SH3GL2: variants seen among roughly 807,000 people sequenced by gnomAD.
The protein encoded by SH3GL2 is SH3 domain containing GRB2 like 2, endophilin A1.
In SH3GL2, 24 loss-of-function variants were observed where a neutral mutation model predicts 46.0. The observed-to-expected ratio is 0.52, with a 90% CI of 0.38 to 0.73. The LOEUF (loss-of-function observed/expected upper bound fraction) is 0.73. Among genes scored for constraint, SH3GL2 ranks in the 30% least tolerant of loss-of-function variants. SH3GL2 has a pLI of 0.00. For synonymous variants in SH3GL2, 196 were observed against 147.1 expected, an observed-to-expected ratio of 1.33 and a Z score of -2.40; for missense variants, 413 against 424.2, an observed-to-expected ratio of 0.97 and a Z score of 0.23.
At position 17,683,755 on chromosome 9, in the gene SH3GL2, G is replaced by C. The variant is rs185691737; in HGVS notation, c.46-63311G>C. On this transcript the variant is annotated intron_variant, in intron 1 of 8. Transcript: ENST00000380607. ...GGAGAAAGACCTCCCTAAGGTACAG[G>C]CACAAAGGGAAGACCTAAAGCTGAG... 4.3e-3 allele frequency among the ~76,000 whole-genome samples: 651 copies of C among 152,140 alleles called. 8 individuals are homozygous for C. The highest frequency in any genetic ancestry group is 0.015 in the African/African-American group (613 of 41,502).
At chr9:17,609,722 T>C (rs148176255) in intron 1 of SH3GL2, among the ~76,000 whole-genome samples, 221 of 152,376 alleles carry the variant, frequency 1.5e-3, no homozygotes, top group African/African-American at 5.2e-3. Flanking sequence ...AAAACATTTG[T>C]TCTCTAAAAG....
At chr9:17,779,819 C>G (rs751898493) in intron 3 of SH3GL2, among the ~76,000 whole-genome samples, 1 of 152,140 alleles carries the variant, frequency 6.6e-6, no homozygotes, top group African/African-American at 2.4e-5. Flanking sequence ...GCTTGGTTGT[C>G]TGCTATACAA....
At chr9:17,606,475 A>G (rs1011792251) in intron 1 of SH3GL2, among the ~76,000 whole-genome samples, 2 of 152,192 alleles carry the variant, frequency 1.3e-5, no homozygotes, top group Non-Finnish European at 2.9e-5. Context: ...TCATTAGCCT[A>G]TCCAAAAGTT....
intron 1 of SH3GL2, among the ~76,000 whole-genome samples, chr9:17,678,089 ATG>A (rs976865695): frequency 3.9e-5 from 6 of 151,944 alleles, no homozygotes; most frequent in Non-Finnish European, 8.8e-5. Context: ...CAGTAAACAT[ATG>A]TGTATGTGTG....
chr9:17,594,514 C>G (rs938904010), intron 1 of SH3GL2, among the ~76,000 whole-genome samples: 1 of 152,000 alleles, frequency 6.6e-6, no homozygotes, highest in African/African-American at 2.4e-5. Context: ...AGCATCAGGA[C>G]AAATGGCTAA....
At chr9:17,621,910 T>C (rs1819150510) in intron 1 of SH3GL2, among the ~76,000 whole-genome samples, 1 of 152,210 alleles carries the variant, frequency 6.6e-6, no homozygotes, top group Non-Finnish European at 1.5e-5. Flanking sequence ...CCAATAAAAA[T>C]GTTGCTCTAC....
chr9:17,608,449 A>G (rs1818801136), intron 1 of SH3GL2, among the ~76,000 whole-genome samples: 1 of 152,166 alleles, frequency 6.6e-6, no homozygotes, highest in Non-Finnish European at 1.5e-5. Context: ...TACTGAAGAA[A>G]TCTGTTAATG....
intron 1 of SH3GL2, among the ~76,000 whole-genome samples, chr9:17,730,580 G>T (rs1421993780): frequency 6.6e-6 from 1 of 152,082 alleles, no homozygotes; most frequent in Non-Finnish European, 1.5e-5. Flanking sequence ...CATTCAATAT[G>T]ATATTGGCTG....
intron 1 of SH3GL2, among the ~76,000 whole-genome samples, chr9:17,715,770 C>T (rs1821738618): frequency 6.6e-6 from 1 of 151,934 alleles, no homozygotes; most frequent in Non-Finnish European, 1.5e-5. Context: ...ATTGATAATG[C>T]ATTTCATACA....
chr9:17,765,910 C>G (rs1823304697), intron 3 of SH3GL2, among the ~76,000 whole-genome samples: 1 of 152,244 alleles, frequency 6.6e-6, no homozygotes, highest in Admixed American at 6.5e-5. Context: ...AATTATGAAG[C>G]ACAGTTGACT....
At chr9:17,601,127 C>G (rs1403249340) in intron 1 of SH3GL2, among the ~76,000 whole-genome samples, 1 of 152,144 alleles carries the variant, frequency 6.6e-6, no homozygotes, top group Non-Finnish European at 1.5e-5. Flanking sequence ...TTTTGCAGTG[C>G]TCAACGTCTT....
intron 1 of SH3GL2, among the ~76,000 whole-genome samples, chr9:17,666,043 T>C (rs1048686824): frequency 5.9e-5 from 9 of 151,598 alleles, no homozygotes; most frequent in African/African-American, 1.9e-4. Flanking sequence ...TACCTACTTA[T>C]TTGCTCACTT....
chr9:17,703,244 A>T (rs910902906), intron 1 of SH3GL2, among the ~76,000 whole-genome samples: 2 of 152,108 alleles, frequency 1.3e-5, no homozygotes, highest in Non-Finnish European at 2.9e-5. Flanking sequence ...GGGAAAAAAA[A>T]CAATAAAAAT....
intron 1 of SH3GL2, among the ~76,000 whole-genome samples, chr9:17,616,573 T>C (rs11999935): frequency 7.9e-5 from 12 of 152,146 alleles, no homozygotes; most frequent in African/African-American, 2.7e-4. Flanking sequence ...CAGAGGAGGC[T>C]ACAAATGATA....
intron 1 of SH3GL2, among the ~76,000 whole-genome samples, chr9:17,632,976 T>C (rs1819465689): frequency 6.6e-6 from 1 of 152,178 alleles, no homozygotes; most frequent in Non-Finnish European, 1.5e-5. Flanking sequence ...ACAAAAGTAG[T>C]TTGGAGTTCT....
At chr9:17,707,339 G>A (rs1821496629) in intron 1 of SH3GL2, among the ~76,000 whole-genome samples, 2 of 151,926 alleles carry the variant, frequency 1.3e-5, no homozygotes, top group South Asian at 2.1e-4. Flanking sequence ...TACAGAACAC[G>A]GTTGTAATCT....
intron 1 of SH3GL2, among the ~76,000 whole-genome samples, chr9:17,729,650 A>T (rs577533612): frequency 6.6e-6 from 1 of 152,274 alleles, no homozygotes; most frequent in East Asian, 1.9e-4. Context: ...AGGTGTAAGG[A>T]AGGGGCCCAG....
At chr9:17,621,469 A>G (rs371409697) in intron 1 of SH3GL2, among the ~76,000 whole-genome samples, 1 of 152,234 alleles carries the variant, frequency 6.6e-6, no homozygotes, top group Non-Finnish European at 1.5e-5. Context: ...CATGATCACA[A>G]TCATATGATG....
chr9:17,669,994 G>A (rs557310949), intron 1 of SH3GL2, among the ~76,000 whole-genome samples: 2 of 152,128 alleles, frequency 1.3e-5, no homozygotes, highest in African/African-American at 2.4e-5. Context: ...AAGCTAGTGG[G>A]GAGGCAGTAT....
Sources: gnomAD v4.1 joint callset for allele counts (sites outside exome capture counted in the v4.1 genomes callset) on GRCh38, gnomAD v4.1.1 for gene constraint, MANE v1.5 for transcripts, NCBI Gene and HGNC (gene_info 2026-07-23, HGNC 2026-07-21) for gene names.